ASB5: variants seen among roughly 807,000 people sequenced by gnomAD.
The protein encoded by ASB5 is ankyrin repeat and SOCS box containing 5, also known as ankyrin repeat and SOCS box protein 5.
A neutral mutation model predicts 42.1 loss-of-function variants in ASB5; 45 were observed. The ratio of observed to expected loss-of-function variants is 1.07; its 90% confidence interval spans 0.84 to 1.37. ASB5 has a LOEUF of 1.37. ASB5 is among the 40% of genes most tolerant of loss of function. The pLI, the probability that ASB5 is intolerant of heterozygous loss-of-function variation, is 0.00. For synonymous variants in ASB5, 147 were observed against 150.6 expected (o/e 0.98, Z 0.18); for missense variants, 402 against 399.8 (o/e 1.01, Z -0.05).
At chr4:176,226,042 G>A (rs1461509256) in intron 1 of ASB5, among the ~76,000 whole-genome samples, 1 of 152,212 alleles carries the variant, frequency 6.6e-6, no homozygotes, top group Non-Finnish European at 1.5e-5. Flanking sequence ...ACAAGGGATG[G>A]ATTAGTGATG....
At chr4:176,242,067 C>A (rs923839223) in intron 1 of ASB5, among the ~76,000 whole-genome samples, 3 of 152,172 alleles carry the variant, frequency 2.0e-5, no homozygotes, top group Admixed American at 2.0e-4. Flanking sequence ...TGACCAGTGA[C>A]GTGTGCAAAC....
intron 2 of ASB5, among the ~76,000 whole-genome samples, chr4:176,225,019 G>A (rs1339501409): frequency 6.6e-6 from 1 of 152,184 alleles, no homozygotes; most frequent in African/African-American, 2.4e-5. Context: ...TTCTTTAAAT[G>A]TCTATCGATG....
chr4:176,216,504 C>T (rs1465947477), intron 6 of ASB5, among the ~76,000 whole-genome samples: 3 of 152,128 alleles, frequency 2.0e-5, no homozygotes, highest in African/African-American at 4.8e-5. Context: ...GCACGCACCA[C>T]CATGCCCAGC....
At chr4:176,275,617 A>C (rs1157624951) in intron 2 of ASB5, among the ~76,000 whole-genome samples, 2 of 152,162 alleles carry the variant, frequency 1.3e-5, no homozygotes, top group Non-Finnish European at 2.9e-5. Flanking sequence ...ATATGAGCAA[A>C]GGGGAGCCTC....
rs1038365282 is a variant in ASB5 at position 176,218,095 on chromosome 4, A to G, written c.671-1086T>C. ...GGAAGAAAAGGGTCTGAAAATAACA[A>G]TCAATCAACAATTACTAACAGTAAT... On this transcript the variant is annotated intron_variant, in intron 5 of 6. Coordinates refer to ENST00000296525, the MANE Select transcript of ASB5 (RefSeq NM_080874.4). Among the ~76,000 whole-genome samples the G allele has an allele frequency of 1.1e-4, 17 of 147,848 alleles. No homozygotes were observed. The Admixed American group carries it at 1.2e-3, about 10-fold the overall frequency.
intron 1 of ASB5, among the ~76,000 whole-genome samples, chr4:176,255,601 T>C (rs779973673): frequency 6.6e-6 from 1 of 152,324 alleles, no homozygotes; most frequent in Middle Eastern, 3.4e-3. Flanking sequence ...AGCAACTTAA[T>C]GTAGGAACAG....
intron 1 of ASB5, among the ~76,000 whole-genome samples, chr4:176,244,994 A>T (rs1217769069): frequency 2.6e-5 from 4 of 152,156 alleles, no homozygotes; most frequent in Non-Finnish European, 5.9e-5. Context: ...AAGATGACCC[A>T]GGCCTCACCT....
At chr4:176,229,667 T>C (rs967929752) in intron 1 of ASB5, among the ~76,000 whole-genome samples, 1 of 83,520 alleles carries the variant, frequency 1.2e-5, no homozygotes, top group Non-Finnish European at 2.4e-5. Context: ...TCCATCAAGA[T>C]GGGGACAGGA....
intron 1 of ASB5, among the ~76,000 whole-genome samples, chr4:176,235,388 T>A (rs1054589452): frequency 6.6e-6 from 1 of 152,196 alleles, no homozygotes; most frequent in African/African-American, 2.4e-5. Flanking sequence ...AACTTTTTTC[T>A]AGAAACACAC....
intron 1 of ASB5, among the ~76,000 whole-genome samples, chr4:176,252,108 C>T (rs75762840): frequency 0.031 from 4,591 of 146,984 alleles, 259 homozygotes; most frequent in East Asian, 0.27. Flanking sequence ...GAAAAAGACA[C>T]GCATATAAAA....
At chr4:176,224,221 A>AT (rs869080360) in intron 2 of ASB5, among the ~76,000 whole-genome samples, 12,661 of 86,958 alleles carry the variant, frequency 0.15, 2,758 homozygotes, top group African/African-American at 0.2. Flanking sequence ...TGTGCATTTG[A>AT]TTTTTTTTTT....
At chr4:176,236,582 T>G (rs550605821) in intron 1 of ASB5, among the ~76,000 whole-genome samples, 2 of 152,226 alleles carry the variant, frequency 1.3e-5, no homozygotes, top group Non-Finnish European at 2.9e-5. Flanking sequence ...TTTAGCCTAT[T>G]TGAAAATATG....
intron 1 of ASB5, among the ~76,000 whole-genome samples, chr4:176,265,501 G>C (rs1156511940): frequency 6.6e-6 from 1 of 152,150 alleles, no homozygotes. Context: ...TCAGTGTCTT[G>C]ATATCATGGG....
At chr4:176,221,328 T>A (rs1324742000) in intron 4 of ASB5, 39 bp from the exon 5 acceptor site, 1 of 1,609,462 alleles carries the variant, frequency 6.2e-7, no homozygotes, top group African/African-American at 1.3e-5. Context: ...TTAATGCCCA[T>A]CCACCCCACA....
At chr4:176,272,013 T>G (rs1754477538), upstream of ASB5, among the ~76,000 whole-genome samples, 1 of 151,884 alleles carries the variant, frequency 6.6e-6, no homozygotes, top group African/African-American at 2.4e-5. Context: ...TCATACAAGA[T>G]TATATGTAAT....
chr4:176,257,257 T>G (rs961256443), intron 1 of ASB5, among the ~76,000 whole-genome samples: 1 of 152,206 alleles, frequency 6.6e-6, no homozygotes, highest in South Asian at 2.1e-4. Flanking sequence ...TGCTGTTATG[T>G]AACTCATCAA....
chr4:176,258,579 A>G (rs769150905), intron 1 of ASB5, among the ~76,000 whole-genome samples: 3 of 152,184 alleles, frequency 2.0e-5, no homozygotes, highest in Non-Finnish European at 4.4e-5. Flanking sequence ...AGCCCGTTAA[A>G]ATTCAGTCTC....
intron 1 of ASB5, among the ~76,000 whole-genome samples, chr4:176,262,570 T>C (rs1467412354): frequency 6.6e-6 from 1 of 152,208 alleles, no homozygotes; most frequent in Non-Finnish European, 1.5e-5. Context: ...TTTCTCTGTA[T>C]AGCACCTTCC....
intron 1 of ASB5, chr4:176,237,189 C>A: frequency 3.8e-6 from 3 of 783,106 alleles, no homozygotes; most frequent in Non-Finnish European, 4.7e-6. Context: ...GCATTTCAAT[C>A]CGCATTCTGG....
Sources: allele counts gnomAD v4.1 joint callset (sites outside exome capture counted in the v4.1 genomes callset), GRCh38; gene constraint gnomAD v4.1.1; transcripts MANE v1.5; gene names NCBI Gene and HGNC (gene_info 2026-07-23, HGNC 2026-07-21).